MEIS3: variants seen among roughly 807,000 people sequenced by gnomAD.
MEIS3 encodes the protein homeobox protein Meis3.
A neutral mutation model predicts 51.4 loss-of-function variants in MEIS3; 38 were observed. The ratio of observed to expected loss-of-function variants is 0.74; its 90% CI spans 0.57 to 0.97. MEIS3 has a LOEUF of 0.97. Ranked by LOEUF, MEIS3 falls within the 50% of genes least tolerant of loss-of-function variation. The probability of loss-of-function intolerance (pLI) is 0.00; values close to 1 mark genes in which losing one functional copy is unlikely to be tolerated. For missense variants in MEIS3, 456 were observed against 502.6 expected, an observed-to-expected ratio of 0.91 and a Z score of 0.89; for synonymous variants, 198 against 201.8, an observed-to-expected ratio of 0.98 and a Z score of 0.16.
upstream of MEIS3, among the ~76,000 whole-genome samples, chr19:47,421,080 G>A (rs191651418): frequency 9.9e-5 from 15 of 151,854 alleles, 1 homozygote; most frequent in Admixed American, 3.9e-4. Flanking sequence ...GTGTCACTGC[G>A]TCGCGGCTGC....
At chr19:47,410,797 A>G (rs1458254893) in intron 6 of MEIS3, among the ~76,000 whole-genome samples, 1 of 152,116 alleles carries the variant, frequency 6.6e-6, no homozygotes, top group Non-Finnish European at 1.5e-5. Context: ...AAGGACAATA[A>G]TAGTCCTGAC....
In MEIS3 at chr19:47,407,319, G is replaced by T. The variant is rs201450525; in HGVS notation, c.935+33C>A. ...CGGACAGCGCCCGGGCTCTCGCCCC[G>T]GGCCGGCCCGCGGGCCCTCCTGGGC... On this transcript the variant is annotated intron_variant, in intron 9 of 12. Coordinates refer to ENST00000558555, the MANE Select transcript of MEIS3 (RefSeq NM_001301059.2). The T allele has an allele frequency of 3.1e-6, 5 of 1,602,264 alleles. No individual in the cohort carries two copies. In the Admixed American group the frequency reaches 6.8e-5, roughly 22 times the overall value.
rs145814660 is a variant in MEIS3 at position 47,417,178 on chromosome 19, C to G, written c.185G>C (p.Gly62Ala). The stretch of plus-strand genomic sequence containing the variant: ...GAGCCTGAGACCCGGCCCCACTCAC[C>G]CATAGATCTCATCCTTCTCCCTCTT... ...GLKREKDEIY[G>A]HPLFPLLALV... Residue 62 changes from glycine to alanine, a missense_variant and splice_region_variant, in exon 2 of 13, where the codon GGA becomes GCA. Transcript: ENST00000558555. The G allele has an allele frequency of 2.3e-4, 358 of 1,548,884 alleles. No individual in the cohort carries two copies. The highest frequency in any genetic ancestry group is 3.0e-4 in the Non-Finnish European group (348 of 1,152,684).
chr19:47,417,075 G>A (rs1178918773), intron 2 of MEIS3, 103 bp downstream of exon 2: 3 of 1,534,284 alleles, frequency 2.0e-6, no homozygotes, highest in Non-Finnish European at 2.6e-6. Context: ...GAGGGAAGGA[G>A]ACAGAGACTC....
intron 2 of MEIS3, 91 bp from the exon 3 acceptor site, chr19:47,417,054 A>G (rs971622125): frequency 3.9e-6 from 6 of 1,527,676 alleles, no homozygotes; most frequent in Non-Finnish European, 4.4e-6. Context: ...GGAGGGGACA[A>G]GAGACCCAGA....
intron 6 of MEIS3, 34 bp downstream of exon 6, chr19:47,414,683 G>T (rs1229077301): frequency 6.4e-7 from 1 of 1,556,382 alleles, no homozygotes; most frequent in Non-Finnish European, 8.7e-7. Context: ...AGCTGTGGCT[G>T]CAGGACGATG....
intron 6 of MEIS3, chr19:47,412,227 C>T (rs1305820561): frequency 6.6e-6 from 1 of 152,198 alleles, no homozygotes; most frequent in African/African-American, 2.4e-5. Flanking sequence ...CCCAGGAGGT[C>T]AGCTCACCCA....
At chr19:47,411,206 G>C (rs1433477509) in intron 6 of MEIS3, among the ~76,000 whole-genome samples, 1 of 152,140 alleles carries the variant, frequency 6.6e-6, no homozygotes, top group East Asian at 1.9e-4. Context: ...CAAAGTCTTG[G>C]ATAACAGGCG....
Position 47,417,164 on chromosome 19 carries a change from C to T in MEIS3, c.185+14G>A. 2.0e-6 allele frequency: 3 copies of T among 1,534,750 alleles called. No individual in the cohort carries two copies. The South Asian group carries it at 3.9e-5, about 20-fold the overall frequency. ...AGAGAGAGAGACAGGAGCCTGAGACCCGGCCCCACTCACCCATAGATCTCA... is the reference window on the plus strand; with the variant it reads ...AGAGAGAGAGACAGGAGCCTGAGACTCGGCCCCACTCACCCATAGATCTCA... On this transcript the variant is annotated intron_variant, in intron 2 of 12. Coordinates refer to ENST00000558555, the MANE Select transcript of MEIS3 (RefSeq NM_001301059.2).
At chr19:47,407,699 G>GC (rs1970917398) in intron 8 of MEIS3, 3 of 686,694 alleles carry the variant, frequency 4.4e-6, no homozygotes, top group Non-Finnish European at 6.5e-6. Context: ...GGGGGAGGGG[G>GC]CTCCTGTGGC....
At chr19:47,417,959 A>C in intron 1 of MEIS3, 4 of 505,048 alleles carry the variant, frequency 7.9e-6, no homozygotes, top group East Asian at 3.2e-5. Flanking sequence ...ACACAGCCCA[A>C]CACCAGGCAC....
chr19:47,418,091 T>G, intron 1 of MEIS3: 1 of 209,720 alleles, frequency 4.8e-6, no homozygotes, highest in African/African-American at 2.3e-5. Flanking sequence ...CGCACCACCA[T>G]ACAGACACGA....
intron 3 of MEIS3, 50 bp from the exon 4 acceptor site, chr19:47,416,752 C>A (rs1264952724): frequency 6.2e-7 from 1 of 1,612,458 alleles, no homozygotes; most frequent in South Asian, 1.1e-5. Flanking sequence ...CTTCCACCCA[C>A]CCCTCCTCGC....
intron 1 of MEIS3, chr19:47,417,843 A>G: frequency 1.6e-6 from 1 of 610,348 alleles, no homozygotes. Flanking sequence ...CGCCACGTGA[A>G]TCTACCACAC....
chr19:47,415,770 C>T (rs1320780322), intron 4 of MEIS3: 1 of 152,410 alleles, frequency 6.6e-6, no homozygotes, highest in Non-Finnish European at 1.5e-5. Flanking sequence ...GACAGGGTTT[C>T]ATCATTTGGT....
chr19:47,403,595 G>C (rs561291318), intron 12 of MEIS3, 42 bp from the exon 13 acceptor site: 1 of 394,878 alleles, frequency 2.5e-6, no homozygotes, highest in South Asian at 1.9e-5. Flanking sequence ...AGCGGGCAGG[G>C]GGCCTGGCCC....
At chr19:47,414,961 G>T in intron 5 of MEIS3, 90 bp downstream of exon 5, 1 of 1,172,404 alleles carries the variant, frequency 8.5e-7, no homozygotes, top group Middle Eastern at 2.5e-4. Context: ...ACTCCGGTGG[G>T]GAGAGAGCTG....
chr19:47,421,024 G>A (rs1364289458), upstream of MEIS3, among the ~76,000 whole-genome samples: 2 of 150,734 alleles, frequency 1.3e-5, no homozygotes, highest in Non-Finnish European at 2.9e-5. Flanking sequence ...TTCCCAGGGG[G>A]AGGGAGCAGG....
upstream of MEIS3, among the ~76,000 whole-genome samples, chr19:47,421,034 G>A (rs1971700967): frequency 1.3e-5 from 2 of 151,554 alleles, no homozygotes; most frequent in African/African-American, 4.9e-5. Context: ...GAGGGAGCAG[G>A]TGGCGGCCAG....
Sources: allele counts gnomAD v4.1 joint callset (sites outside exome capture counted in the v4.1 genomes callset), GRCh38; gene constraint gnomAD v4.1.1; transcripts MANE v1.5; gene names NCBI Gene and HGNC (gene_info 2026-07-23, HGNC 2026-07-21).